The following COL10A1 variants were observed in gnomAD, a reference collection of about 807,000 sequenced individuals.
COL10A1 encodes the protein collagen alpha-1(X) chain.
COL10A1 carries 10 observed loss-of-function variants against 18.2 expected under a neutral mutation model. The observed-to-expected ratio is 0.55, with a 90% CI of 0.34 to 0.93. The LOEUF is 0.93. Ranked by LOEUF, COL10A1 falls within the 40% of genes least tolerant of loss-of-function variation. The probability of loss-of-function intolerance (pLI) is 0.02; values close to 1 mark genes in which losing one functional copy is unlikely to be tolerated. For missense variants in COL10A1, 897 were observed against 853.5 expected (o/e 1.05, Z -0.64); for synonymous variants, 330 against 316.6 (o/e 1.04, Z -0.45).
intron 1 of COL10A1, among the ~76,000 whole-genome samples, chr6:116,136,661 A>G (rs772760012): frequency 1.3e-5 from 2 of 152,178 alleles, no homozygotes; most frequent in Non-Finnish European, 2.9e-5. Flanking sequence ...CTGTTCTGAT[A>G]TGGCAGTATC....
chr6:116,191,581 TCTC>T, the COL10A1 span, among the ~76,000 whole-genome samples: 3 of 152,026 alleles, frequency 2.0e-5, no homozygotes, highest in South Asian at 4.1e-4. Context: ...CCACATCTTT[TCTC>T]CTCAAGGTAC....
the COL10A1 span, among the ~76,000 whole-genome samples, chr6:116,188,180 A>G: frequency 6.6e-6 from 1 of 152,052 alleles, no homozygotes; most frequent in African/African-American, 2.4e-5. Context: ...GGAATTAAAG[A>G]ATCTAGTGAT....
At chr6:116,166,940 C>A in the COL10A1 span, among the ~76,000 whole-genome samples, 10 of 152,158 alleles carry the variant, frequency 6.6e-5, no homozygotes, top group South Asian at 2.1e-3. Flanking sequence ...AGTATCTTGC[C>A]TTCCTTTCTT....
chr6:116,175,165 A>C, the COL10A1 span, among the ~76,000 whole-genome samples: 1 of 152,172 alleles, frequency 6.6e-6, no homozygotes, highest in African/African-American at 2.4e-5. Context: ...TCATATATAC[A>C]TTTGTATAAT....
At chr6:116,134,925 T>G (rs531432715) in intron 1 of COL10A1, among the ~76,000 whole-genome samples, 16 of 152,288 alleles carry the variant, frequency 1.1e-4, no homozygotes, top group Admixed American at 3.3e-4. Context: ...GCCCAGAATC[T>G]TGGGAGTTTA....
the COL10A1 span, among the ~76,000 whole-genome samples, chr6:116,200,394 G>A: frequency 3.3e-5 from 5 of 151,868 alleles, no homozygotes; most frequent in Admixed American, 1.3e-4. Context: ...ATGAAGTGAG[G>A]ACTTTAGTTA....
intron 1 of COL10A1, among the ~76,000 whole-genome samples, chr6:116,154,282 G>T (rs1245864279): frequency 6.6e-6 from 1 of 152,106 alleles, no homozygotes; most frequent in Non-Finnish European, 1.5e-5. Context: ...CAACATAGCT[G>T]GAGTAGGTTT....
chr6:116,132,081 G>A (rs1164021851), intron 1 of COL10A1, among the ~76,000 whole-genome samples: 2 of 152,056 alleles, frequency 1.3e-5, no homozygotes, highest in Admixed American at 6.6e-5. Context: ...ATCATTGATG[G>A]GTATTTAGGT....
At chr6:116,130,829 T>C (rs1351119103), upstream of COL10A1, among the ~76,000 whole-genome samples, 1 of 152,118 alleles carries the variant, frequency 6.6e-6, no homozygotes, top group East Asian at 1.9e-4. Flanking sequence ...TATTCCATGA[T>C]ACTCACAATT....
intron 1 of COL10A1, among the ~76,000 whole-genome samples, chr6:116,144,192 T>C (rs549392056): frequency 6.6e-6 from 1 of 152,238 alleles, no homozygotes; most frequent in African/African-American, 2.4e-5. Context: ...AACAAACATA[T>C]TCTTCTTACA....
upstream of COL10A1, among the ~76,000 whole-genome samples, chr6:116,130,912 ATTC>A (rs370814121): frequency 7.7e-4 from 117 of 152,212 alleles, no homozygotes; most frequent in African/African-American, 2.7e-3. Flanking sequence ...TATGTTTGCA[ATTC>A]TTTTGGTATT....
At chr6:116,184,481 G>A in the COL10A1 span, among the ~76,000 whole-genome samples, 1 of 151,968 alleles carries the variant, frequency 6.6e-6, no homozygotes, top group Non-Finnish European at 1.5e-5. Context: ...TTCTTTGAAT[G>A]TCTGATAGCA....
Position 116,121,471 on chromosome 6 carries a change from GCCAGATGGTCCTGTGGGAC to G in COL10A1, c.626_644del (p.Gly209AlafsTer75). The G allele has an allele frequency of 6.2e-7, 1 of 1,614,060 alleles. No individual in the cohort carries two copies. The highest frequency in any genetic ancestry group is 8.5e-7 in the Non-Finnish European group (1 of 1,179,984). Reference sequence around the variant, plus strand: ...CACCTCTTTTTCCCACTCCAGGAGGGCCAGATGGTCCTGTGGGACCCTGAGGGCCTGGAAGACCCCTCTC... The same window carrying G: ...CACCTCTTTTTCCCACTCCAGGAGGGCCTGAGGGCCTGGAAGACCCCTCTC... On this transcript the variant is annotated frameshift_variant, in exon 3 of 3. Transcript: ENST00000651968. LOFTEE classifies it low-confidence loss of function (END_TRUNC).
At chr6:116,193,931 G>A in the COL10A1 span, among the ~76,000 whole-genome samples, 1 of 151,946 alleles carries the variant, frequency 6.6e-6, no homozygotes, top group South Asian at 2.1e-4. Context: ...AGATGTGGTG[G>A]CATGTATCTG....
At chr6:116,135,604 C>T (rs957900450) in intron 1 of COL10A1, among the ~76,000 whole-genome samples, 2 of 151,434 alleles carry the variant, frequency 1.3e-5, no homozygotes, top group Middle Eastern at 6.8e-3. Context: ...GCATTTTGCA[C>T]GAGCTATATT....
chr6:116,129,696 C>T (rs1779416248), upstream of COL10A1, among the ~76,000 whole-genome samples: 1 of 152,270 alleles, frequency 6.6e-6, no homozygotes, highest in East Asian at 1.9e-4. Flanking sequence ...TAAATTACCC[C>T]GTCTGTGGCA....
At chr6:116,157,341 C>T (rs181365590) in intron 1 of COL10A1, among the ~76,000 whole-genome samples, 103 of 152,228 alleles carry the variant, frequency 6.8e-4, no homozygotes, top group African/African-American at 2.5e-3. Context: ...GAACCCTAGA[C>T]AAGTAACTGT....
At chr6:116,200,004 G>GC in the COL10A1 span, among the ~76,000 whole-genome samples, 3 of 150,998 alleles carry the variant, frequency 2.0e-5, no homozygotes, top group African/African-American at 7.4e-5. Context: ...GAAAGTGGGG[G>GC]GGGAAGAGTA....
the COL10A1 span, among the ~76,000 whole-genome samples, chr6:116,181,320 C>G: frequency 6.6e-6 from 1 of 151,866 alleles, no homozygotes; most frequent in African/African-American, 2.4e-5. Flanking sequence ...AGAAATCTTA[C>G]AGAAATATTA....
Sources: gnomAD v4.1 joint callset for allele counts (sites outside exome capture counted in the v4.1 genomes callset) on GRCh38, gnomAD v4.1.1 for gene constraint, MANE v1.5 for transcripts, NCBI Gene and HGNC (gene_info 2026-07-23, HGNC 2026-07-21) for gene names.